Variants in SLC44A5 observed in about 807,000 individuals in gnomAD.
SLC44A5 encodes the protein solute carrier family 44 member 5.
Under a neutral mutation model 101.8 loss-of-function variants are expected in SLC44A5, and 57 were observed. The observed-to-expected ratio is 0.56, with a 90% CI of 0.45 to 0.70. SLC44A5 has a LOEUF of 0.70. SLC44A5 is among the 30% of genes least tolerant of loss of function. The pLI, the probability that SLC44A5 is intolerant of heterozygous loss-of-function variation, is 0.00. For missense variants in SLC44A5, 737 were observed against 853.1 expected (o/e 0.86, Z 1.70); for synonymous variants, 281 against 290.9 (o/e 0.97, Z 0.35).
chr1:75,515,429 C>T (rs1338129595), intron 2 of SLC44A5, among the ~76,000 whole-genome samples: 1 of 151,916 alleles, frequency 6.6e-6, no homozygotes, highest in Non-Finnish European at 1.5e-5. Flanking sequence ...CATTATCTTC[C>T]CATTCCCCAC....
At chr1:75,678,738 A>G in the SLC44A5 span, among the ~76,000 whole-genome samples, 1 of 151,964 alleles carries the variant, frequency 6.6e-6, no homozygotes, top group Admixed American at 6.6e-5. Flanking sequence ...GCTCCTCACC[A>G]GCAATGGAAC....
Position 75,509,431 on chromosome 1 carries a change from G to A in SLC44A5, c.13+32004C>T, listed in dbSNP as rs140099986. ...TGCCCACAAATTCACAACTTTGATC[G>A]GAAAGGCTTTAAATAGGAAATGAAA... On this transcript the variant is annotated intron_variant, in intron 2 of 23. Coordinates refer to ENST00000370859, the MANE Select transcript of SLC44A5 (RefSeq NM_001130058.2). 1.4e-4 allele frequency among the ~76,000 whole-genome samples: 21 copies of A among 152,242 alleles called. No homozygotes were observed. In the East Asian group the frequency reaches 3.9e-3, roughly 28 times the overall value.
At chr1:75,721,355 A>G in the SLC44A5 span, among the ~76,000 whole-genome samples, 1 of 152,242 alleles carries the variant, frequency 6.6e-6, no homozygotes, top group Admixed American at 6.5e-5. Flanking sequence ...CTTTGCATGC[A>G]GCCCAACATA....
At chr1:75,234,627 T>C (rs1357531364) in intron 11 of SLC44A5, among the ~76,000 whole-genome samples, 1 of 152,054 alleles carries the variant, frequency 6.6e-6, no homozygotes, top group African/African-American at 2.4e-5. Context: ...ATTATCACTA[T>C]GGTCTAATTA....
intron 2 of SLC44A5, among the ~76,000 whole-genome samples, chr1:75,482,359 A>G (rs993180002): frequency 6.6e-6 from 1 of 152,140 alleles, no homozygotes; most frequent in South Asian, 2.1e-4. Context: ...AGCATGGCAC[A>G]TGTGTACATA....
intron 2 of SLC44A5, among the ~76,000 whole-genome samples, chr1:75,480,027 G>A (rs1203010280): frequency 2.6e-5 from 4 of 152,072 alleles, no homozygotes; most frequent in South Asian, 2.1e-4. Flanking sequence ...AACCGAATCT[G>A]GCAGCACATC....
chr1:75,223,359 A>T (rs957902962), intron 13 of SLC44A5, among the ~76,000 whole-genome samples: 1 of 152,072 alleles, frequency 6.6e-6, no homozygotes. Flanking sequence ...AGTTTTTTTT[A>T]AACTTGAAGC....
intron 2 of SLC44A5, among the ~76,000 whole-genome samples, chr1:75,448,178 T>TA (rs914872333): frequency 1.3e-5 from 2 of 152,074 alleles, no homozygotes; most frequent in Admixed American, 1.3e-4. Flanking sequence ...CTATCACAAA[T>TA]AAAAAATGCA....
chr1:75,632,053 G>A, the SLC44A5 span, among the ~76,000 whole-genome samples: 2 of 152,106 alleles, frequency 1.3e-5, no homozygotes, highest in Non-Finnish European at 2.9e-5. Flanking sequence ...TTAAGGAGAA[G>A]CCAACTTTTC....
At chr1:75,438,133 A>C (rs967418651) in intron 2 of SLC44A5, among the ~76,000 whole-genome samples, 2 of 152,112 alleles carry the variant, frequency 1.3e-5, no homozygotes, top group African/African-American at 4.8e-5. Context: ...GGTTATGTGA[A>C]AGAATGTTAA....
intron 2 of SLC44A5, among the ~76,000 whole-genome samples, chr1:75,523,492 T>C (rs1014992644): frequency 6.6e-5 from 10 of 152,124 alleles, no homozygotes; most frequent in African/African-American, 2.4e-4. Context: ...TTTTTTTTTT[T>C]TGTATTTTTA....
chr1:75,504,566 A>T (rs1669143424), intron 2 of SLC44A5, among the ~76,000 whole-genome samples: 1 of 152,114 alleles, frequency 6.6e-6, no homozygotes, highest in Admixed American at 6.6e-5. Flanking sequence ...TTACAGATAA[A>T]ATGTAGACAC....
At chr1:75,308,432 A>C (rs1401932235) in intron 4 of SLC44A5, among the ~76,000 whole-genome samples, 1 of 151,968 alleles carries the variant, frequency 6.6e-6, no homozygotes, top group African/African-American at 2.4e-5. Context: ...TGATGCCTGT[A>C]TAAAAGTGTC....
the SLC44A5 span, among the ~76,000 whole-genome samples, chr1:75,718,705 T>C: frequency 3.3e-5 from 5 of 152,304 alleles, no homozygotes; most frequent in African/African-American, 9.6e-5. Context: ...CTGGATACCA[T>C]AGTACCTGAC....
Position 75,364,135 on chromosome 1 carries a change from G to C in SLC44A5, c.53-24505C>G, listed in dbSNP as rs186395312. Among the ~76,000 whole-genome samples, 10 of 152,206 alleles carry C rather than the reference G, an allele frequency of 6.6e-5. No homozygotes were observed. The East Asian group carries it at 1.9e-3, about 29-fold the overall frequency. ...GAAGATTTTATTATGATGTGTCTTG[G>C]TGAGTTTCTCTTTGGTTTGTATTTG... is the stretch of plus-strand genomic sequence containing the variant. On this transcript the variant is annotated intron_variant, in intron 3 of 23. Transcript: ENST00000370859.
At chr1:75,578,656 G>A (rs1673510867) in intron 1 of SLC44A5, among the ~76,000 whole-genome samples, 1 of 152,138 alleles carries the variant, frequency 6.6e-6, no homozygotes, top group South Asian at 2.1e-4. Flanking sequence ...ATGGGGAGAT[G>A]TTGGTCAAAG....
chr1:75,321,007 A>T (rs973442052), intron 4 of SLC44A5, among the ~76,000 whole-genome samples: 5 of 152,168 alleles, frequency 3.3e-5, no homozygotes, highest in Non-Finnish European at 7.4e-5. Flanking sequence ...AGCAATATGA[A>T]TATATTTATT....
the SLC44A5 span, among the ~76,000 whole-genome samples, chr1:75,659,912 C>T: frequency 1.3e-5 from 2 of 152,052 alleles, no homozygotes; most frequent in Admixed American, 6.6e-5. Flanking sequence ...CAAGAACACA[C>T]ATGCAAATCA....
intron 1 of SLC44A5, among the ~76,000 whole-genome samples, chr1:75,573,207 G>A (rs1295070596): frequency 7.4e-6 from 1 of 134,874 alleles, no homozygotes; most frequent in Non-Finnish European, 1.6e-5. Context: ...ATATTAATTA[G>A]AAATATAGAT....
Sources: allele counts gnomAD v4.1 joint callset (sites outside exome capture counted in the v4.1 genomes callset), GRCh38; gene constraint gnomAD v4.1.1; transcripts MANE v1.5; gene names NCBI Gene and HGNC (gene_info 2026-07-23, HGNC 2026-07-21).